Variants in DIAPH2 observed in about 807,000 individuals in gnomAD.
DIAPH2 encodes the protein protein diaphanous homolog 2.
In DIAPH2, 35 loss-of-function variants were observed where a neutral mutation model predicts 92.7. The observed-to-expected ratio is 0.38, with a 90% CI of 0.29 to 0.50. The LOEUF is 0.50. DIAPH2 is among the 20% of genes least tolerant of loss of function. The pLI, the probability that DIAPH2 is intolerant of heterozygous loss-of-function variation, is 0.94. For missense variants in DIAPH2, 701 were observed against 819.5 expected (o/e 0.86, Z 1.77); for synonymous variants, 301 against 280.4 (o/e 1.07, Z -0.73).
At chrX:96,797,287 C>T (rs1392262471) in intron 4 of DIAPH2, among the ~76,000 whole-genome samples, 1 of 110,301 alleles carries the variant, frequency 9.1e-6, no homozygotes, top group African/African-American at 3.3e-5. Flanking sequence ...TCGAGAGTAG[C>T]CTGACTAATA....
Position 97,390,832 on chromosome X carries a change from C to A in DIAPH2, c.3145+6788C>A, listed in dbSNP as rs374889780. ...TTACCTTTTCAAATGTCATTGAGAC[C>A]GTAAGATAAATATCCAAATAAGTTT... On this transcript the variant is annotated intron_variant, in intron 25 of 26. Coordinates refer to ENST00000324765, the MANE Select transcript of DIAPH2 (RefSeq NM_006729.5). Among the ~76,000 whole-genome samples the A allele has an allele frequency of 3.6e-5, 4 of 111,602 alleles. No homozygotes were observed. The South Asian group carries it at 1.5e-3, about 42-fold the overall frequency.
At chrX:97,059,353 T>G (rs925182065) in intron 17 of DIAPH2, among the ~76,000 whole-genome samples, 1 of 111,903 alleles carries the variant, frequency 8.9e-6, no homozygotes, top group African/African-American at 3.3e-5. Context: ...TGCTTCAGTT[T>G]TCTTTAAATA....
At chrX:97,069,795 A>G (rs956304048) in intron 17 of DIAPH2, among the ~76,000 whole-genome samples, 2 of 112,382 alleles carry the variant, frequency 1.8e-5, no homozygotes, top group African/African-American at 3.2e-5. Flanking sequence ...TACTTGCTAC[A>G]AATTATAATA....
chrX:97,352,239 G>A (rs1421157779), intron 24 of DIAPH2, among the ~76,000 whole-genome samples: 1 of 111,000 alleles, frequency 9.0e-6, no homozygotes, highest in Non-Finnish European at 1.9e-5. Context: ...TTTGGCATAT[G>A]TAGCATAAAC....
At chrX:97,088,477 T>C (rs2066799611) in intron 19 of DIAPH2, among the ~76,000 whole-genome samples, 1 of 112,266 alleles carries the variant, frequency 8.9e-6, no homozygotes, top group South Asian at 3.7e-4. Flanking sequence ...TTACTTGTTT[T>C]CGAATCAGAT....
intron 26 of DIAPH2, among the ~76,000 whole-genome samples, chrX:97,491,415 A>G (rs144873471): frequency 0.028 from 3,071 of 110,478 alleles, 35 homozygotes; most frequent in Middle Eastern, 0.043. Context: ...TTATTTATTT[A>G]TTTTATTTTT....
Position 97,010,299 on chromosome X carries a change from T to C in DIAPH2, c.2050+45092T>C, listed in dbSNP as rs148136633. Among the ~76,000 whole-genome samples the C allele has an allele frequency of 1.4e-4, 15 of 107,436 alleles. No individual in the cohort carries two copies. In the East Asian group the frequency reaches 4.2e-3, roughly 30 times the overall value. The allele number at this position is 107,436 out of a possible 115,157, so 93.3% of individuals were successfully genotyped here. On this transcript the variant is annotated intron_variant, in intron 17 of 26. Coordinates refer to ENST00000324765, the MANE Select transcript of DIAPH2 (RefSeq NM_006729.5). ...GTGCATAGAATCTGTCTCCATGCCA[T>C]GTGGCCACTGCCAGGAGGTGTATGT... is the stretch of plus-strand genomic sequence containing the variant.
intron 22 of DIAPH2, among the ~76,000 whole-genome samples, chrX:97,155,364 G>C (rs2067314839): frequency 9.1e-6 from 1 of 110,190 alleles, no homozygotes; most frequent in African/African-American, 3.3e-5. Context: ...AGCCGGGTGT[G>C]GTGGCACCCA....
At chrX:96,751,392 C>T (rs1419515568) in intron 3 of DIAPH2, among the ~76,000 whole-genome samples, 4 of 106,761 alleles carry the variant, frequency 3.7e-5, no homozygotes, top group Admixed American at 3.1e-4. Flanking sequence ...CTGGCTAACA[C>T]GGTGAAACCC....
intron 10 of DIAPH2, 37 bp downstream of exon 10, chrX:96,930,880 T>G (rs891037386): frequency 2.4e-5 from 27 of 1,127,194 alleles, no homozygotes; most frequent in Non-Finnish European, 2.9e-5. Flanking sequence ...GCTGATGAAT[T>G]TTAAAATTTT....
chrX:96,971,980 A>G (rs1243727020), intron 17 of DIAPH2, among the ~76,000 whole-genome samples: 1 of 111,862 alleles, frequency 8.9e-6, no homozygotes, highest in Non-Finnish European at 1.9e-5. Context: ...TACTGTGGTC[A>G]ATAGGTGGCA....
chrX:97,208,981 T>C (rs1047144434), intron 22 of DIAPH2, among the ~76,000 whole-genome samples: 4 of 110,660 alleles, frequency 3.6e-5, no homozygotes, highest in African/African-American at 6.6e-5. Flanking sequence ...TATGATACTC[T>C]TTCTATGTTG....
intron 26 of DIAPH2, among the ~76,000 whole-genome samples, chrX:97,476,968 A>AT (rs1374547099): frequency 0.17 from 5,568 of 33,420 alleles, 805 homozygotes; most frequent in Non-Finnish European, 0.21. Context: ...AAAAAAAAAA[A>AT]ATATATATAT....
At chrX:97,304,065 T>C (rs760247491) in intron 23 of DIAPH2, among the ~76,000 whole-genome samples, 4 of 112,121 alleles carry the variant, frequency 3.6e-5, no homozygotes, top group Non-Finnish European at 7.5e-5. Context: ...TTTAAATGCA[T>C]TGGCTATAAC....
At chrX:96,890,277 G>C (rs747906581) in intron 5 of DIAPH2, among the ~76,000 whole-genome samples, 3 of 111,959 alleles carry the variant, frequency 2.7e-5, no homozygotes, top group South Asian at 3.8e-4. Flanking sequence ...AAGCCTCTGT[G>C]TTCTGTATTT....
intron 25 of DIAPH2, among the ~76,000 whole-genome samples, chrX:97,399,370 G>C (rs187299266): frequency 9.0e-6 from 1 of 111,572 alleles, no homozygotes; most frequent in Non-Finnish European, 1.9e-5. Flanking sequence ...CCCAGTTTTG[G>C]TTCACCAAAT....
In DIAPH2 at chrX:96,758,095, C is replaced by T. The variant is rs759967880; in HGVS notation, c.343-59C>T. On this transcript the variant is annotated intron_variant, in intron 3 of 26. Coordinates refer to ENST00000324765, the MANE Select transcript of DIAPH2 (RefSeq NM_006729.5). ...AGAAATTATTAATGTTTACTAATCA[C>T]TTTTGAAGCTCTTAAGTGGAAATTT... 57 of 971,793 alleles carry T rather than the reference C, an allele frequency of 5.9e-5. No individual in the cohort carries two copies. The South Asian group carries it at 1.4e-3, about 24-fold the overall frequency. 80.1% of individuals were successfully genotyped at this position (971,793 alleles called of 1,213,427 possible).
intron 23 of DIAPH2, among the ~76,000 whole-genome samples, chrX:97,259,907 A>G (rs764339766): frequency 4.5e-5 from 5 of 111,776 alleles, no homozygotes; most frequent in African/African-American, 9.7e-5. Context: ...TCGGCTCACT[A>G]CAACCTCTGC....
intron 1 of DIAPH2, among the ~76,000 whole-genome samples, chrX:96,698,909 T>C (rs903712757): frequency 1.6e-4 from 17 of 108,084 alleles, no homozygotes; most frequent in Admixed American, 3.0e-4. Context: ...TTTTTTTTTT[T>C]CAGTAGAGAC....
Sources: allele counts gnomAD v4.1 joint callset (sites outside exome capture counted in the v4.1 genomes callset), GRCh38; gene constraint gnomAD v4.1.1; transcripts MANE v1.5; gene names NCBI Gene and HGNC (gene_info 2026-07-23, HGNC 2026-07-21).